PPP1R12B: variants seen among roughly 807,000 people sequenced by gnomAD.
PPP1R12B encodes the protein protein phosphatase 1 regulatory subunit 12B.
A neutral mutation model predicts 126.1 loss-of-function variants in PPP1R12B; 76 were observed. The observed-to-expected ratio is 0.60, with a 90% CI of 0.50 to 0.73. The LOEUF (loss-of-function observed/expected upper bound fraction) is 0.73. Among genes scored for constraint, PPP1R12B ranks in the 30% least tolerant of loss-of-function variants. The probability of loss-of-function intolerance (pLI) is 0.00; values close to 1 mark genes in which losing one functional copy is unlikely to be tolerated. For synonymous variants in PPP1R12B, 356 were observed against 434.7 expected, an observed-to-expected ratio of 0.82 and a Z score of 2.25; for missense variants, 1,052 against 1,205.1, an observed-to-expected ratio of 0.87 and a Z score of 1.88.
chr1:202,504,581 C>A (rs932149572), intron 18 of PPP1R12B, among the ~76,000 whole-genome samples: 4 of 152,132 alleles, frequency 2.6e-5, no homozygotes, highest in African/African-American at 9.7e-5. Flanking sequence ...ACAGCTGAGG[C>A]CCAGGAGATT....
chr1:202,437,432 G>A (rs1026846659), intron 9 of PPP1R12B, among the ~76,000 whole-genome samples: 1 of 152,180 alleles, frequency 6.6e-6, no homozygotes, highest in East Asian at 1.9e-4. Flanking sequence ...TTACAGGTGA[G>A]CATGTTGAGA....
chr1:202,522,704 A>G (rs752086900), intron 18 of PPP1R12B, among the ~76,000 whole-genome samples: 18 of 152,170 alleles, frequency 1.2e-4, no homozygotes, highest in Middle Eastern at 3.2e-3. Flanking sequence ...ATAAAAAAAT[A>G]CAAGTATAAG....
chr1:202,387,190 G>A (rs1663287476), intron 1 of PPP1R12B, among the ~76,000 whole-genome samples: 1 of 152,162 alleles, frequency 6.6e-6, no homozygotes, highest in African/African-American at 2.4e-5. Context: ...ATTATTTTAA[G>A]CCTTTGAGTT....
intron 1 of PPP1R12B, among the ~76,000 whole-genome samples, chr1:202,356,191 A>AGT (rs1179616222): frequency 2.6e-5 from 4 of 151,726 alleles, no homozygotes; most frequent in Admixed American, 6.6e-5. Flanking sequence ...GTCTCAAATA[A>AGT]ATAAGTAAGT....
At chr1:202,561,911 T>A (rs1687574547) in intron 19 of PPP1R12B, among the ~76,000 whole-genome samples, 1 of 152,232 alleles carries the variant, frequency 6.6e-6, no homozygotes, top group Non-Finnish European at 1.5e-5. Context: ...ATACATCAGA[T>A]GCAATTTTCA....
Position 202,438,936 on chromosome 1 carries a change from C to T in PPP1R12B, c.1458+912C>T, listed in dbSNP as rs553472340. ...CTGTGCCTGGAGGTGACCCCGAAGA[C>T]GGCCGTGGACTGGCCTGACCTGGAG... On this transcript the variant is annotated intron_variant, in intron 10 of 23. Coordinates refer to ENST00000608999, the MANE Select transcript of PPP1R12B (RefSeq NM_002481.4). The T allele has an allele frequency of 9.0e-5, 138 of 1,532,446 alleles. No individual in the cohort carries two copies. The African/African-American group carries it at 1.3e-3, about 15-fold the overall frequency. The allele number at this position is 1,532,446 out of a possible 1,614,324, so 94.9% of individuals were successfully genotyped here. A position where few individuals can be genotyped will look rare whatever the true frequency, so the allele number is the denominator to read the frequency against.
intron 13 of PPP1R12B, among the ~76,000 whole-genome samples, chr1:202,455,193 CAT>C (rs199970579): frequency 6.4e-5 from 8 of 124,466 alleles, no homozygotes; most frequent in African/African-American, 1.7e-4. Flanking sequence ...GAGCTATATA[CAT>C]ATATATATAT....
chr1:202,411,176 G>A (rs969839526), intron 1 of PPP1R12B, among the ~76,000 whole-genome samples: 10 of 148,602 alleles, frequency 6.7e-5, no homozygotes, highest in Admixed American at 6.8e-5. Context: ...AAATTTAGTC[G>A]TTATTCACTT....
intron 13 of PPP1R12B, among the ~76,000 whole-genome samples, chr1:202,482,547 A>G (rs1677530119): frequency 2.0e-5 from 3 of 152,170 alleles, no homozygotes; most frequent in African/African-American, 4.8e-5. Flanking sequence ...TTTGAGAAGT[A>G]AATGTCTGTT....
At chr1:202,427,681 G>T (rs1010043830) in intron 5 of PPP1R12B, among the ~76,000 whole-genome samples, 1 of 152,134 alleles carries the variant, frequency 6.6e-6, no homozygotes, top group Admixed American at 6.5e-5. Flanking sequence ...GTCTCGCTCT[G>T]TTGCCCAGGC....
At chr1:202,479,240 A>G (rs1404650189) in intron 13 of PPP1R12B, among the ~76,000 whole-genome samples, 2 of 152,244 alleles carry the variant, frequency 1.3e-5, no homozygotes, top group African/African-American at 2.4e-5. Context: ...TATGAGTATT[A>G]AAAACATTGC....
intron 23 of PPP1R12B, chr1:202,576,911 A>G (rs755564783): frequency 6.6e-6 from 1 of 152,110 alleles, no homozygotes; most frequent in Non-Finnish European, 1.5e-5. Flanking sequence ...CAAACCAAAT[A>G]TGTCAGGTTC....
chr1:202,480,305 A>G lies in PPP1R12B; in HGVS notation c.1851-8228A>G, dbSNP rs75796564. 4.4e-4 allele frequency among the ~76,000 whole-genome samples: 67 copies of G among 152,344 alleles called. No individual in the cohort carries two copies. In the East Asian group the frequency reaches 7.1e-3, roughly 16 times the overall value. ...TTAGTGAACTGAAAGATTGGACAGTAGAAAATATCCAGAATGAAGCACAGA... is the reference window on the plus strand; with the variant it reads ...TTAGTGAACTGAAAGATTGGACAGTGGAAAATATCCAGAATGAAGCACAGA... On this transcript the variant is annotated intron_variant, in intron 13 of 23. Transcript: ENST00000608999.
intron 1 of PPP1R12B, among the ~76,000 whole-genome samples, chr1:202,350,607 G>GTTTTTC (rs1234444760): frequency 6.6e-6 from 1 of 151,006 alleles, no homozygotes; most frequent in Admixed American, 6.6e-5. Flanking sequence ...GTGAATTCTT[G>GTTTTTC]TTTTTCTTTT....
At chr1:202,571,182 G>T (rs1328206739) in intron 23 of PPP1R12B, among the ~76,000 whole-genome samples, 1 of 152,122 alleles carries the variant, frequency 6.6e-6, no homozygotes, top group Non-Finnish European at 1.5e-5. Flanking sequence ...CCCTTCAGTG[G>T]TTCTAGTTGC....
At chr1:202,362,133 T>C (rs1658328421) in intron 1 of PPP1R12B, among the ~76,000 whole-genome samples, 1 of 152,092 alleles carries the variant, frequency 6.6e-6, no homozygotes, top group South Asian at 2.1e-4. Flanking sequence ...GTGATTTTTA[T>C]TTTTTTTAAA....
At chr1:202,414,732 G>A (rs1170620403) in intron 1 of PPP1R12B, among the ~76,000 whole-genome samples, 3 of 152,104 alleles carry the variant, frequency 2.0e-5, no homozygotes, top group Non-Finnish European at 4.4e-5. Context: ...ATTTTAAAAA[G>A]TGGCTAGTTC....
Position 202,589,883 on chromosome 1 carries a change from A to C in PPP1R12B, c.*9323A>C, listed in dbSNP as rs989279709. On this transcript the variant is annotated 3_prime_UTR_variant, in exon 24 of 24. Coordinates refer to ENST00000608999, the MANE Select transcript of PPP1R12B (RefSeq NM_002481.4). Reference sequence around the variant, plus strand: ...CTTTGGACCTGATGGACAAGCACACATCTAGCCAACGGTGTTCCTGGAGGA... The same window carrying C: ...CTTTGGACCTGATGGACAAGCACACCTCTAGCCAACGGTGTTCCTGGAGGA... 2.0e-5 allele frequency: 3 copies of C among 152,234 alleles called. No homozygotes were observed. Among genetic ancestry groups the C allele is most frequent in the African/African-American group, 7.2e-5 (3 of 41,442 alleles). The allele number at this position is 152,234 out of a possible 1,614,324, so 9.4% of individuals were successfully genotyped here. A position where few individuals can be genotyped will look rare whatever the true frequency, so the allele number is the denominator to read the frequency against.
intron 1 of PPP1R12B, among the ~76,000 whole-genome samples, chr1:202,412,655 G>A (rs937275754): frequency 8.5e-5 from 13 of 152,150 alleles, no homozygotes; most frequent in Non-Finnish European, 1.8e-4. Context: ...GCCTACACAG[G>A]TTTAGACGGC....
Sources: allele counts gnomAD v4.1 joint callset (sites outside exome capture counted in the v4.1 genomes callset), GRCh38; gene constraint gnomAD v4.1.1; transcripts MANE v1.5; gene names NCBI Gene and HGNC (gene_info 2026-07-23, HGNC 2026-07-21).